Variants in HDAC9 observed in about 807,000 individuals in gnomAD.
HDAC9 encodes the protein MEF-2 interacting transcription repressor (MITR) protein.
A neutral mutation model predicts 139.4 loss-of-function variants in HDAC9; 41 were observed. That is an observed-to-expected ratio of 0.29 (90% CI 0.23 to 0.38). The LOEUF (loss-of-function observed/expected upper bound fraction) is 0.38. HDAC9 is among the 10% of genes least tolerant of loss of function. HDAC9 has a pLI of 1.00. For missense variants in HDAC9, 1,147 were observed against 1,297.0 expected, an observed-to-expected ratio of 0.88 and a Z score of 1.78; for synonymous variants, 517 against 476.2, an observed-to-expected ratio of 1.09 and a Z score of -1.12.
chr7:18,196,448 G>A (rs768656636), intron 2 of HDAC9, among the ~76,000 whole-genome samples: 2 of 152,176 alleles, frequency 1.3e-5, no homozygotes, highest in Non-Finnish European at 2.9e-5. Context: ...AAAGAAGAAT[G>A]TACAGTGCTT....
chr7:18,313,526 A>T (rs986665755), intron 1 of HDAC9, among the ~76,000 whole-genome samples: 14 of 152,186 alleles, frequency 9.2e-5, no homozygotes, highest in Non-Finnish European at 2.9e-5. Flanking sequence ...TGTGGAACAC[A>T]CTAGTCAGAT....
intron 1 of HDAC9, among the ~76,000 whole-genome samples, chr7:18,433,661 T>G (rs1001821449): frequency 1.3e-5 from 2 of 152,026 alleles, no homozygotes; most frequent in South Asian, 4.1e-4. Flanking sequence ...CTCAGTCCCA[T>G]TCACAATAGA....
At chr7:18,306,258 A>T (rs1321827524) in intron 1 of HDAC9, among the ~76,000 whole-genome samples, 1 of 152,074 alleles carries the variant, frequency 6.6e-6, no homozygotes, top group African/African-American at 2.4e-5. Flanking sequence ...TGTGGGTAGG[A>T]CTCAGACTAT....
intron 1 of HDAC9, among the ~76,000 whole-genome samples, chr7:18,087,502 C>A (rs1322099439): frequency 6.6e-6 from 1 of 152,126 alleles, no homozygotes; most frequent in Non-Finnish European, 1.5e-5. Context: ...GATTCTCTCC[C>A]GCCCCCAAAC....
At chr7:18,373,149 C>T (rs1268965253) in intron 1 of HDAC9, among the ~76,000 whole-genome samples, 2 of 152,068 alleles carry the variant, frequency 1.3e-5, no homozygotes, top group Admixed American at 6.6e-5. Context: ...TATCAACTGT[C>T]AACCACAAAA....
At chr7:18,814,434 C>T (rs1277318767) in intron 17 of HDAC9, among the ~76,000 whole-genome samples, 1 of 151,852 alleles carries the variant, frequency 6.6e-6, no homozygotes, top group East Asian at 1.9e-4. Flanking sequence ...TGCGGATGTT[C>T]CTTGCTTTTT....
At chr7:18,333,302 C>G (rs1379325550) in intron 1 of HDAC9, among the ~76,000 whole-genome samples, 1 of 151,286 alleles carries the variant, frequency 6.6e-6, no homozygotes, top group Non-Finnish European at 1.5e-5. Flanking sequence ...TACAAAATAG[C>G]ACATGTGTTG....
At position 18,944,649 on chromosome 7, in the gene HDAC9, C is replaced by A. The variant is rs561618223; in HGVS notation, c.2937+8707C>A. Among the ~76,000 whole-genome samples, 84 of 152,146 alleles carry A rather than the reference C, an allele frequency of 5.5e-4. No individual in the cohort carries two copies. The South Asian group carries it at 7.2e-3, about 13-fold the overall frequency. On this transcript the variant is annotated intron_variant, in intron 23 of 25. Coordinates refer to ENST00000686413, the MANE Select transcript of HDAC9 (RefSeq NM_178425.4). ...CAGAGATCACATATGTAATGATCAA[C>A]CAAGAGATAGAGTAATGTCAGCTCT... is the stretch of plus-strand genomic sequence containing the variant.
In HDAC9 at chr7:18,340,181, A is replaced by G. The variant is rs1781895890; in HGVS notation, c.-42+49666A>G. Among the ~76,000 whole-genome samples, 2 of 151,510 alleles carry G rather than the reference A, an allele frequency of 1.3e-5. 1 individual carries two copies. Among genetic ancestry groups the G allele is most frequent in the African/African-American group, 4.8e-5 (2 of 41,358 alleles). On this transcript the variant is annotated intron_variant, in intron 1 of 3. Transcript: ENST00000413509. ...AATAATATTCTTTGCTTTGCAAACT[A>G]TATGTCTTAAACTTTCTTTTGATTA...
At chr7:18,265,313 A>C (rs909861153) in intron 2 of HDAC9, among the ~76,000 whole-genome samples, 1 of 152,208 alleles carries the variant, frequency 6.6e-6, no homozygotes, top group Non-Finnish European at 1.5e-5. Context: ...TGATATGCAC[A>C]AAAATATTGC....
intron 2 of HDAC9, among the ~76,000 whole-genome samples, chr7:18,549,072 T>C (rs910434319): frequency 1.3e-5 from 2 of 152,110 alleles, no homozygotes. Flanking sequence ...ACCCCATCTC[T>C]ACTAAAAATA....
At chr7:18,896,911 A>T (rs918787574) in intron 22 of HDAC9, among the ~76,000 whole-genome samples, 46 of 152,074 alleles carry the variant, frequency 3.0e-4, no homozygotes, top group African/African-American at 1.0e-3. Context: ...TAAACTCTAA[A>T]TTTTCCACTG....
chr7:18,893,193 A>G (rs1051490413), intron 22 of HDAC9, among the ~76,000 whole-genome samples: 1 of 152,158 alleles, frequency 6.6e-6, no homozygotes, highest in Non-Finnish European at 1.5e-5. Flanking sequence ...GTCAAAAAGC[A>G]GAGAGAAAGC....
At chr7:18,334,855 G>C (rs542877382) in intron 1 of HDAC9, among the ~76,000 whole-genome samples, 11 of 151,440 alleles carry the variant, frequency 7.3e-5, no homozygotes, top group Non-Finnish European at 1.6e-4. Context: ...TGGGTCCAGA[G>C]ATTACAGGCG....
At position 18,590,381 on chromosome 7, in the gene HDAC9, G is replaced by C; in HGVS notation, c.310G>C (p.Glu104Gln). ...LAIKQQQELL[E>Q]KEQKLEQQRQ... is the part of the protein sequence containing the mutation. ...CATAAAACAGCAACAAGAACTCCTA[G>C]AAAAGGAGCAGAAACTGGAGCAGCA... The change falls in exon 4 of 26, where the codon GAA (glutamate) becomes CAA (glutamine). Residue 104 changes from glutamate (E) to glutamine (Q), a missense_variant. Physicochemically the swap from Glu to Gln is conservative, Grantham distance 29 (BLOSUM62 2). Transcript: ENST00000686413. 6.2e-7 allele frequency: 1 copy of C among 1,611,822 alleles called. No individual in the cohort carries two copies.
intron 8 of HDAC9, among the ~76,000 whole-genome samples, chr7:18,640,005 A>AT (rs1350614012): frequency 6.6e-6 from 1 of 151,832 alleles, no homozygotes; most frequent in Non-Finnish European, 1.5e-5. Context: ...GTATATATAT[A>AT]TTTTTTCTTT....
upstream of HDAC9, among the ~76,000 whole-genome samples, chr7:18,491,691 G>T (rs1796380399): frequency 6.6e-6 from 1 of 152,000 alleles, no homozygotes; most frequent in Admixed American, 6.6e-5. Flanking sequence ...AGTCAACGTT[G>T]TGATAATGCA....
At chr7:18,825,421 A>G (rs1287453821) in intron 17 of HDAC9, among the ~76,000 whole-genome samples, 1 of 152,156 alleles carries the variant, frequency 6.6e-6, no homozygotes, top group Non-Finnish European at 1.5e-5. Context: ...TGTGAAAAGG[A>G]AGATGCAGCC....
At chr7:18,280,163 G>A (rs1251304031) in intron 2 of HDAC9, among the ~76,000 whole-genome samples, 1 of 152,142 alleles carries the variant, frequency 6.6e-6, no homozygotes, top group Non-Finnish European at 1.5e-5. Context: ...TTTAAAGAGG[G>A]AATTTGGGCC....
Sources: allele counts gnomAD v4.1 joint callset (sites outside exome capture counted in the v4.1 genomes callset), GRCh38; gene constraint gnomAD v4.1.1; transcripts MANE v1.5; gene names NCBI Gene and HGNC (gene_info 2026-07-23, HGNC 2026-07-21).